The following TOP6BL variants were observed in gnomAD, a reference collection of about 807,000 sequenced individuals.
TOP6BL encodes the protein type 2 DNA topoisomerase 6 subunit B-like.
the TOP6BL span, among the ~76,000 whole-genome samples, chr11:66,760,216 A>G: frequency 6.6e-6 from 1 of 151,650 alleles, no homozygotes; most frequent in South Asian, 2.1e-4. Flanking sequence ...TTGGGAGGCC[A>G]AGGCAGGCAG....
chr11:66,813,238 T>C, the TOP6BL span, among the ~76,000 whole-genome samples: 1 of 152,226 alleles, frequency 6.6e-6, no homozygotes, highest in African/African-American at 2.4e-5. Context: ...TTTGTCTTTG[T>C]ACCCCAAGAA....
chr11:66,765,672 C>T, the TOP6BL span, among the ~76,000 whole-genome samples: 10 of 152,108 alleles, frequency 6.6e-5, no homozygotes, highest in East Asian at 1.9e-4. Context: ...CCTGCCACCA[C>T]GGCCAGCTAA....
the TOP6BL span, among the ~76,000 whole-genome samples, chr11:66,787,124 G>T: frequency 6.6e-6 from 1 of 151,662 alleles, no homozygotes; most frequent in South Asian, 2.1e-4. Flanking sequence ...AGTAGAGACG[G>T]GGTTTCACCA....
the TOP6BL span, chr11:66,843,156 C>G: frequency 6.2e-7 from 1 of 1,610,806 alleles, no homozygotes; most frequent in African/African-American, 1.3e-5. Context: ...CCCGGGCCCC[C>G]TTGTTCCCGC....
At chr11:66,843,400 G>A in the TOP6BL span, 3 of 1,427,678 alleles carry the variant, frequency 2.1e-6, no homozygotes, top group Non-Finnish European at 1.8e-6. Context: ...GCGGCCTGAC[G>A]TCACCCACAC....
At chr11:66,779,936 C>T in the TOP6BL span, among the ~76,000 whole-genome samples, 13 of 146,694 alleles carry the variant, frequency 8.9e-5, no homozygotes, top group East Asian at 2.4e-3. Flanking sequence ...CGCATGTTCT[C>T]ACTCATAGGT....
the TOP6BL span, chr11:66,788,254 C>G: frequency 6.2e-7 from 1 of 1,611,274 alleles, no homozygotes; most frequent in East Asian, 2.2e-5. Flanking sequence ...TAACACCCTT[C>G]CAGATGATTT....
the TOP6BL span, among the ~76,000 whole-genome samples, chr11:66,835,603 T>C: frequency 6.6e-6 from 1 of 152,220 alleles, no homozygotes; most frequent in Middle Eastern, 3.2e-3. Context: ...TGGCAACCAC[T>C]AGTATGCTTC....
At chr11:66,815,814 G>A in the TOP6BL span, 5 of 386,848 alleles carry the variant, frequency 1.3e-5, no homozygotes, top group South Asian at 6.6e-5. Context: ...TAATGTAAAG[G>A]AGTGCTGTTT....
chr11:66,839,645 A>G, the TOP6BL span, among the ~76,000 whole-genome samples: 1 of 152,234 alleles, frequency 6.6e-6, no homozygotes, highest in African/African-American at 2.4e-5. Flanking sequence ...GTTGCTACTG[A>G]AAAGAACCCT....
At chr11:66,755,612 T>C in the TOP6BL span, among the ~76,000 whole-genome samples, 2 of 152,216 alleles carry the variant, frequency 1.3e-5, no homozygotes, top group African/African-American at 2.4e-5. Context: ...GTTTGAAATC[T>C]CTGCTCTCTA....
At chr11:66,796,018 G>GTCAAA in the TOP6BL span, 1 of 330,820 alleles carries the variant, frequency 3.0e-6, no homozygotes, top group East Asian at 4.8e-5. Context: ...TGTCCCCAAA[G>GTCAAA]GTGGTTTTGA....
chr11:66,822,547 C>T, the TOP6BL span: 2 of 1,488,760 alleles, frequency 1.3e-6, no homozygotes, highest in Admixed American at 2.0e-5. Context: ...CTCCCCCTTA[C>T]TTGTTATGTT....
chr11:66,772,192 T>A, the TOP6BL span, among the ~76,000 whole-genome samples: 2 of 152,372 alleles, frequency 1.3e-5, no homozygotes, highest in South Asian at 2.1e-4. Context: ...GGTATTTTTT[T>A]AAGAATTTCA....
chr11:66,825,446 G>A, the TOP6BL span, among the ~76,000 whole-genome samples: 1,250 of 151,064 alleles, frequency 8.3e-3, 13 homozygotes, highest in Non-Finnish European at 0.012. Flanking sequence ...AGCTGAGTTC[G>A]CACCATTACC....
At chr11:66,825,110 C>G in the TOP6BL span, among the ~76,000 whole-genome samples, 2 of 151,748 alleles carry the variant, frequency 1.3e-5, no homozygotes, top group African/African-American at 2.4e-5. Context: ...GTGATCCACC[C>G]GCCTTGGCCT....
At chr11:66,840,366 C>G in the TOP6BL span, among the ~76,000 whole-genome samples, 1 of 152,196 alleles carries the variant, frequency 6.6e-6, no homozygotes, top group African/African-American at 2.4e-5. Context: ...CACTGCAGAA[C>G]CTCATCAGTG....
the TOP6BL span, among the ~76,000 whole-genome samples, chr11:66,749,063 T>C: frequency 6.6e-6 from 1 of 151,212 alleles, no homozygotes; most frequent in African/African-American, 2.4e-5. Context: ...TGTGTGTGTG[T>C]GGTGTGTGTG....
the TOP6BL span, among the ~76,000 whole-genome samples, chr11:66,775,494 C>T: frequency 5.9e-5 from 9 of 152,134 alleles, no homozygotes; most frequent in Admixed American, 5.2e-4. Context: ...CTTGCCAGGG[C>T]CAATGAAATG....
Sources: gnomAD v4.1 joint callset for allele counts (sites outside exome capture counted in the v4.1 genomes callset) on GRCh38, gnomAD v4.1.1 for gene constraint, MANE v1.5 for transcripts, NCBI Gene and HGNC (gene_info 2026-07-23, HGNC 2026-07-21) for gene names.